PLXDC1: variants seen among roughly 807,000 people sequenced by gnomAD.
PLXDC1 encodes plexin domain-containing protein 1.
In PLXDC1, 39 loss-of-function variants were observed where a neutral mutation model predicts 61.3. The ratio of observed to expected loss-of-function variants is 0.64; its 90% CI spans 0.49 to 0.83. The LOEUF is 0.83. Ranked by LOEUF, PLXDC1 falls within the 40% of genes least tolerant of loss-of-function variation. PLXDC1 has a pLI of 0.00. For missense variants in PLXDC1, 596 were observed against 666.5 expected, an observed-to-expected ratio of 0.89 and a Z score of 1.17; for synonymous variants, 212 against 254.5, an observed-to-expected ratio of 0.83 and a Z score of 1.59.
In PLXDC1 at chr17:39,108,187, C is replaced by A; in HGVS notation, c.528G>T (p.Ala176=). The change falls in exon 5 of 14, where the codon GCG becomes GCT. Residue 176 remains alanine, a synonymous_variant. Transcript: ENST00000315392. ...HRMLTATQYV[A]PLMANFNPGY... ...CAGGGTTGAAGTTGGCCATCAGGGG[C>A]GCCACATACTGAGTAGCTGTGAGCA... The A allele has an allele frequency of 1.9e-6, 3 of 1,614,060 alleles. No individual in the cohort carries two copies. Among genetic ancestry groups the A allele is most frequent in the Non-Finnish European group, 2.5e-6 (3 of 1,179,946 alleles).
intron 2 of PLXDC1, among the ~76,000 whole-genome samples, chr17:39,130,042 T>C (rs1010708329): frequency 6.6e-6 from 1 of 152,216 alleles, no homozygotes; most frequent in African/African-American, 2.4e-5. Flanking sequence ...ATATGATATA[T>C]CCAGAATGTG....
At chr17:39,105,685 A>G (rs140586439) in intron 7 of PLXDC1, among the ~76,000 whole-genome samples, 169 bp downstream of exon 7, 50 of 152,258 alleles carry the variant, frequency 3.3e-4, no homozygotes, top group African/African-American at 9.9e-4. Flanking sequence ...TCCCTCTGCT[A>G]TAACAAAGAA....
rs376429974 is a variant in PLXDC1, at chr17:39,064,406, G to A, written c.*3434C>T. 1 of 152,138 alleles carries A rather than the reference G, an allele frequency of 6.6e-6. No individual in the cohort carries two copies. Among genetic ancestry groups the A allele is most frequent in the Non-Finnish European group, 1.5e-5 (1 of 68,018 alleles). The allele number at this position is 152,138 out of a possible 1,614,324, so 9.4% of individuals were successfully genotyped here. On this transcript the variant is annotated 3_prime_UTR_variant, in exon 14 of 14. Coordinates refer to ENST00000315392, the MANE Select transcript of PLXDC1 (RefSeq NM_020405.5). ...GCTCTGTGAGAAGTTTTAGGGGCAG[G>A]GGGTTTAAATTATCAAATTTAGCTG... is the stretch of plus-strand genomic sequence containing the variant.
upstream of PLXDC1, chr17:39,152,677 C>A: frequency 3.2e-6 from 4 of 1,233,572 alleles, no homozygotes. Flanking sequence ...ACGCTGAGCG[C>A]CATTGGAGAA....
At chr17:39,126,262 CA>C (rs924335674) in intron 2 of PLXDC1, among the ~76,000 whole-genome samples, 3 of 149,652 alleles carry the variant, frequency 2.0e-5, no homozygotes, top group African/African-American at 4.9e-5. Context: ...CTCAAACAAA[CA>C]AAAAAAAACC....
intron 2 of PLXDC1, among the ~76,000 whole-genome samples, chr17:39,120,292 C>T (rs565372103): frequency 6.2e-4 from 94 of 152,278 alleles, no homozygotes; most frequent in Admixed American, 3.9e-3. Context: ...GCTGGGATTA[C>T]AGGCACCCGC....
chr17:39,141,477 T>C (rs1911932232), intron 1 of PLXDC1, among the ~76,000 whole-genome samples: 1 of 152,254 alleles, frequency 6.6e-6, no homozygotes, highest in South Asian at 2.1e-4. Flanking sequence ...GACTTCCTTT[T>C]GAAGGCTGAA....
In PLXDC1 at chr17:39,067,792, C is replaced by G. The variant is rs1908950754; in HGVS notation, c.*48G>C. On this transcript the variant is annotated 3_prime_UTR_variant, in exon 14 of 14. Coordinates refer to ENST00000315392, the MANE Select transcript of PLXDC1 (RefSeq NM_020405.5). ...AAGTCACTTCTCTTCTTTGCTTTAA[C>G]TGTCTTTTCTGTGGCCTCAAAGTCT... The G allele has an allele frequency of 6.4e-7, 1 of 1,565,712 alleles. No homozygotes were observed. Among genetic ancestry groups the G allele is most frequent in the Non-Finnish European group, 8.7e-7 (1 of 1,146,640 alleles).
At chr17:39,107,995 GA>G in intron 5 of PLXDC1, 127 bp downstream of exon 5, 1 of 1,188,610 alleles carries the variant, frequency 8.4e-7, no homozygotes, top group Non-Finnish European at 1.2e-6. Context: ...ACTGAGCAGA[GA>G]AAGGTAGGTG....
chr17:39,148,613 TTAG>T (rs1185643300), intron 1 of PLXDC1, among the ~76,000 whole-genome samples: 1 of 152,118 alleles, frequency 6.6e-6, no homozygotes, highest in Non-Finnish European at 1.5e-5. Flanking sequence ...TTTTGTATAT[TTAG>T]TAGAGACGGG....
chr17:39,152,378 G>A (rs184508830), upstream of PLXDC1: 607 of 554,660 alleles, frequency 1.1e-3, no homozygotes, highest in Non-Finnish European at 1.4e-3. Flanking sequence ...CCCAGACGAG[G>A]AAATGGCTCA....
intron 8 of PLXDC1, among the ~76,000 whole-genome samples, chr17:39,084,575 A>T (rs565753231): frequency 1.3e-5 from 2 of 152,354 alleles, no homozygotes; most frequent in South Asian, 2.1e-4. Flanking sequence ...GGAGAGAAGA[A>T]GTCAAGGCAG....
chr17:39,135,083 T>C (rs1465918257), intron 2 of PLXDC1, among the ~76,000 whole-genome samples: 2 of 152,234 alleles, frequency 1.3e-5, no homozygotes, highest in Non-Finnish European at 2.9e-5. Context: ...ATCCCAGTAG[T>C]TTCATCTGTT....
chr17:39,123,992 G>A (rs1911243897), intron 2 of PLXDC1, among the ~76,000 whole-genome samples: 1 of 152,128 alleles, frequency 6.6e-6, no homozygotes, highest in Admixed American at 6.5e-5. Flanking sequence ...ACTGTGGGGA[G>A]GGGGACATCC....
At chr17:39,119,287 C>T (rs1055378282) in intron 2 of PLXDC1, among the ~76,000 whole-genome samples, 2 of 152,136 alleles carry the variant, frequency 1.3e-5, no homozygotes, top group Non-Finnish European at 2.9e-5. Flanking sequence ...CCAGGCAGTC[C>T]TTCACTGGTA....
In PLXDC1 at chr17:39,063,389, C is replaced by A; in HGVS notation, c.*4451G>T. The stretch of plus-strand genomic sequence containing the variant: ...GGTTTACTTCCAGGGATTTACAGAC[C>A]AATATAAGTAAACAGCTGGGGTTTC... On this transcript the variant is annotated 3_prime_UTR_variant, in exon 14 of 14. Coordinates refer to ENST00000315392, the MANE Select transcript of PLXDC1 (RefSeq NM_020405.5). 1.4e-6 allele frequency: 1 copy of A among 692,400 alleles called. No homozygotes were observed. The allele number at this position is 692,400 out of a possible 1,614,324, so 42.9% of individuals were successfully genotyped here.
At chr17:39,106,054 C>T (rs1002237757) in intron 6 of PLXDC1, 101 bp from the exon 7 acceptor site, 2 of 736,436 alleles carry the variant, frequency 2.7e-6, no homozygotes, top group African/African-American at 1.8e-5. Context: ...ATGGCACCAC[C>T]TCCTGGAGGA....
intron 9 of PLXDC1, chr17:39,080,805 ACAGT>A (rs1318746445): frequency 1.3e-5 from 2 of 152,284 alleles, no homozygotes; most frequent in Non-Finnish European, 2.9e-5. Flanking sequence ...GCAGATGCAC[ACAGT>A]CAGAGGCCTT....
At chr17:39,068,842 G>A (rs1323092170) in intron 13 of PLXDC1, among the ~76,000 whole-genome samples, 2 of 152,150 alleles carry the variant, frequency 1.3e-5, no homozygotes, top group Non-Finnish European at 2.9e-5. Flanking sequence ...GGGTTAATGA[G>A]GCTGGTGGGC....
Sources: gnomAD v4.1 joint callset for allele counts (sites outside exome capture counted in the v4.1 genomes callset) on GRCh38, gnomAD v4.1.1 for gene constraint, MANE v1.5 for transcripts, NCBI Gene and HGNC (gene_info 2026-07-23, HGNC 2026-07-21) for gene names.